Variants in KIF1B observed in about 807,000 individuals in gnomAD.
KIF1B encodes the protein kinesin family member 1B, also known as kinesin-like protein KIF1B.
Under a neutral mutation model 241.9 loss-of-function variants are expected in KIF1B, and 76 were observed. The observed-to-expected ratio is 0.31, with a 90% CI of 0.26 to 0.38. The LOEUF (loss-of-function observed/expected upper bound fraction) is 0.38, where lower values mean the gene tolerates loss of function less well. KIF1B is among the 10% of genes least tolerant of loss of function. KIF1B has a pLI of 1.00. For missense variants in KIF1B, 1,622 were observed against 2,271.4 expected, an observed-to-expected ratio of 0.71 and a Z score of 5.81; for synonymous variants, 750 against 796.7, an observed-to-expected ratio of 0.94 and a Z score of 0.99.
chr1:10,347,892 G>T (rs1652644556), intron 36 of KIF1B, 65 bp downstream of exon 36: 3 of 1,317,256 alleles, frequency 2.3e-6, no homozygotes, highest in South Asian at 1.2e-5. Flanking sequence ...ATAAGAGACG[G>T]AATTCTTTCT....
At chr1:10,267,596 C>T in intron 6 of KIF1B, 38 bp downstream of exon 6, 1 of 1,602,862 alleles carries the variant, frequency 6.2e-7, no homozygotes, top group South Asian at 1.1e-5. Flanking sequence ...AGGTCTTTGG[C>T]ACCTTTTGAG....
Position 10,233,818 on chromosome 1 carries a change from T to C in KIF1B, c.106+1384T>C, listed in dbSNP as rs188609877. ...CACCACACCCGGCTACTTTTTGTAT[T>C]TTTAGTAGAGACAGGGTTTCACCAT... On this transcript the variant is annotated intron_variant, in intron 2 of 48. Transcript: ENST00000676179. Among the ~76,000 whole-genome samples the C allele has an allele frequency of 5.3e-4, 81 of 151,876 alleles. 1 individual carries two copies. The East Asian group carries it at 0.013, about 25-fold the overall frequency.
At chr1:10,375,428 TC>T in intron 48 of KIF1B, 55 bp downstream of exon 48, 1 of 1,452,440 alleles carries the variant, frequency 6.9e-7, no homozygotes, top group Non-Finnish European at 9.7e-7. Context: ...TCACTTTTTC[TC>T]CCTGAAGTGC....
intron 38 of KIF1B, among the ~76,000 whole-genome samples, chr1:10,354,008 T>C (rs1342868269): frequency 6.6e-6 from 1 of 152,190 alleles, no homozygotes; most frequent in East Asian, 1.9e-4. Context: ...CTTAGTAAAA[T>C]ATACAGGGAA....
intron 22 of KIF1B, among the ~76,000 whole-genome samples, chr1:10,314,133 C>A (rs1407785608): frequency 2.6e-5 from 4 of 151,276 alleles, no homozygotes; most frequent in Non-Finnish European, 5.9e-5. Context: ...TCACCCGCCT[C>A]GGCCTCCCAA....
chr1:10,307,760 A>G lies in KIF1B; in HGVS notation c.2115+10514A>G, dbSNP rs145128126. 8.5e-5 allele frequency: 88 copies of G among 1,035,318 alleles called. 4 individuals are homozygous for G. In the East Asian group the frequency reaches 5.2e-3, roughly 62 times the overall value. The allele number at this position is 1,035,318 out of a possible 1,614,324, so 64.1% of individuals were successfully genotyped here. On this transcript the variant is annotated intron_variant, in intron 22 of 48. Transcript: ENST00000676179. ...AAAAAGTGTTTATTCTATTGAAGTT[A>G]TGTAATGATCCGACATTAATGGGAA...
At chr1:10,213,429 A>G (rs939032663) in intron 1 of KIF1B, among the ~76,000 whole-genome samples, 2 of 152,130 alleles carry the variant, frequency 1.3e-5, no homozygotes, top group African/African-American at 4.8e-5. Context: ...CGTGCAGGGA[A>G]TAAGTGTCCA....
At chr1:10,375,597 C>T (rs886108961) in intron 48 of KIF1B, among the ~76,000 whole-genome samples, 14 of 151,972 alleles carry the variant, frequency 9.2e-5, no homozygotes, top group Non-Finnish European at 1.5e-4. Context: ...AATGGCCAGG[C>T]TGGTCTCAAA....
Position 10,301,155 on chromosome 1 carries a change from G to A in KIF1B, c.2115+3909G>A, listed in dbSNP as rs539659943. Among the ~76,000 whole-genome samples the A allele has an allele frequency of 3.9e-5, 6 of 152,176 alleles. No individual in the cohort carries two copies. The South Asian group carries it at 8.3e-4, about 21-fold the overall frequency. On this transcript the variant is annotated intron_variant, in intron 22 of 48. Transcript: ENST00000676179. ...TTGGGTCCCTGTCTCAAAAAACAAA[G>A]CAAACAAAGAAACAAACAAAAACAA... is the stretch of plus-strand genomic sequence containing the variant.
chr1:10,317,735 G>C (rs1161980983), intron 22 of KIF1B, among the ~76,000 whole-genome samples: 1 of 150,960 alleles, frequency 6.6e-6, no homozygotes, highest in Non-Finnish European at 1.5e-5. Flanking sequence ...GGAGGCTAAG[G>C]CAGGAGAATC....
At position 10,282,500 on chromosome 1, in the gene KIF1B, A is replaced by G; in HGVS notation, c.1401A>G (p.Thr467=). Reference sequence around the variant, plus strand: ...GTATTCAAGAGAGGATCATGTCTACACCTGGAGGAGAGGAAGCTATTGAAC... The same window carrying G: ...GTATTCAAGAGAGGATCATGTCTACGCCTGGAGGAGAGGAAGCTATTGAAC... ...VTSIQERIMS[T]PGGEEAIERL... Residue 467 remains threonine (T), a synonymous_variant, in exon 15 of 49, where the codon ACA becomes ACG. Coordinates refer to ENST00000676179, the MANE Select transcript of KIF1B (RefSeq NM_001365951.3). 6.2e-7 allele frequency: 1 copy of G among 1,614,144 alleles called. No homozygotes were observed. Among genetic ancestry groups the G allele is most frequent in the Non-Finnish European group, 8.5e-7 (1 of 1,180,004 alleles).
chr1:10,291,044 G>T, intron 15 of KIF1B, 38 bp from the exon 16 acceptor site: 1 of 1,505,240 alleles, frequency 6.6e-7, no homozygotes. Flanking sequence ...TAAATTATAA[G>T]ACTCTTTGCC....
chr1:10,361,414 CACTT>C (rs1638418796), intron 39 of KIF1B, among the ~76,000 whole-genome samples: 1 of 152,176 alleles, frequency 6.6e-6, no homozygotes, highest in Non-Finnish European at 1.5e-5. Flanking sequence ...CCTGTGCTGC[CACTT>C]ACTTCCTCTA....
At chr1:10,278,289 C>G (rs1000161438) in intron 13 of KIF1B, among the ~76,000 whole-genome samples, 161 bp downstream of exon 13, 2 of 152,108 alleles carry the variant, frequency 1.3e-5, no homozygotes, top group African/African-American at 4.8e-5. Context: ...CCTTAAAAAA[C>G]CCAATGGAAA....
intron 2 of KIF1B, among the ~76,000 whole-genome samples, chr1:10,233,710 CTT>C (rs61200537): frequency 7.0e-6 from 1 of 142,638 alleles, no homozygotes; most frequent in Admixed American, 7.1e-5. Context: ...CTCAATAAAG[CTT>C]TTTTTTTTTT....
chr1:10,331,003 G>T (rs1651901546), intron 27 of KIF1B, among the ~76,000 whole-genome samples: 1 of 151,920 alleles, frequency 6.6e-6, no homozygotes, highest in Middle Eastern at 3.2e-3. Context: ...GCTCACGCCT[G>T]TAATCCCAGC....
chr1:10,211,282 T>G (rs1336007183), intron 1 of KIF1B, among the ~76,000 whole-genome samples: 1 of 152,138 alleles, frequency 6.6e-6, no homozygotes, highest in Non-Finnish European at 1.5e-5. Context: ...TCCTCCTTTG[T>G]GGTGGGCATC....
In KIF1B at chr1:10,346,521, C is replaced by T. The variant is rs111943899; in HGVS notation, c.3797+568C>T. On this transcript the variant is annotated intron_variant, in intron 35 of 48. Transcript: ENST00000676179. ...CTGGGATTACAGGTGCGTGCCACCA[C>T]GCCAGGCTAATTTTTGTATTTTTAG... 3.2e-3 allele frequency among the ~76,000 whole-genome samples: 494 copies of T among 152,098 alleles called. 4 individuals carry two copies. The highest frequency in any genetic ancestry group is 0.012 in the African/African-American group (479 of 41,488).
At chr1:10,306,171 A>C in intron 22 of KIF1B, 1 of 1,039,480 alleles carries the variant, frequency 9.6e-7, no homozygotes, top group Non-Finnish European at 1.2e-6. Flanking sequence ...TTCCCCTTAA[A>C]AAGAGAAGCT....
Sources: gnomAD v4.1 joint callset for allele counts (sites outside exome capture counted in the v4.1 genomes callset) on GRCh38, gnomAD v4.1.1 for gene constraint, MANE v1.5 for transcripts, NCBI Gene and HGNC (gene_info 2026-07-23, HGNC 2026-07-21) for gene names.